CALN1: variants seen among roughly 807,000 people sequenced by gnomAD.
CALN1 encodes the protein calneuron 1, also known as calcium-binding protein 8.
A neutral mutation model predicts 30.6 loss-of-function variants in CALN1; 17 were observed. The observed-to-expected ratio is 0.56, with a 90% CI of 0.38 to 0.83. The LOEUF (loss-of-function observed/expected upper bound fraction) is 0.83, where lower values mean the gene tolerates loss of function less well. Ranked by LOEUF, CALN1 falls within the 40% of genes least tolerant of loss-of-function variation. The probability of loss-of-function intolerance (pLI) is 0.00; values close to 1 mark genes in which losing one functional copy is unlikely to be tolerated. For missense variants in CALN1, 291 were observed against 354.9 expected, an observed-to-expected ratio of 0.82 and a Z score of 1.45; for synonymous variants, 156 against 131.4, an observed-to-expected ratio of 1.19 and a Z score of -1.28.
At chr7:71,838,069 G>A (rs971618287) in intron 5 of CALN1, among the ~76,000 whole-genome samples, 2 of 152,142 alleles carry the variant, frequency 1.3e-5, no homozygotes, top group Non-Finnish European at 2.9e-5. Context: ...TAATGGACAT[G>A]GCTTTAGAGG....
At chr7:72,128,356 C>T (rs931115453) in intron 3 of CALN1, among the ~76,000 whole-genome samples, 1 of 152,014 alleles carries the variant, frequency 6.6e-6, no homozygotes, top group Non-Finnish European at 1.5e-5. Flanking sequence ...CAAAAAATAA[C>T]GTGGGGACAA....
At chr7:71,902,803 T>C (rs1255280596) in intron 5 of CALN1, among the ~76,000 whole-genome samples, 1 of 152,160 alleles carries the variant, frequency 6.6e-6, no homozygotes, top group Non-Finnish European at 1.5e-5. Flanking sequence ...TACTCAGCCA[T>C]ATAAAAGAAT....
At chr7:72,378,695 T>A (rs957442306) in intron 2 of CALN1, among the ~76,000 whole-genome samples, 10 of 152,164 alleles carry the variant, frequency 6.6e-5, no homozygotes, top group Admixed American at 6.5e-5. Context: ...AAGTTTTTTT[T>A]TTTTTGAGAC....
chr7:72,163,468 C>T (rs1436455459), intron 3 of CALN1, among the ~76,000 whole-genome samples: 1 of 148,108 alleles, frequency 6.8e-6, no homozygotes, highest in African/African-American at 2.5e-5. Context: ...CCCAAGATGA[C>T]TCGATATTGA....
chr7:72,316,078 G>C (rs1800422320), intron 2 of CALN1, among the ~76,000 whole-genome samples: 1 of 151,940 alleles, frequency 6.6e-6, no homozygotes, highest in Non-Finnish European at 1.5e-5. Flanking sequence ...TTGAACCCAG[G>C]AGGTGGAGTT....
chr7:72,092,100 A>G (rs1805902238), intron 4 of CALN1, among the ~76,000 whole-genome samples: 1 of 152,136 alleles, frequency 6.6e-6, no homozygotes, highest in Admixed American at 6.6e-5. Context: ...AGTTTATTTT[A>G]GTGGTAATGC....
intron 5 of CALN1, among the ~76,000 whole-genome samples, chr7:71,976,029 G>A (rs1798085657): frequency 6.6e-6 from 1 of 151,932 alleles, no homozygotes; most frequent in South Asian, 2.1e-4. Flanking sequence ...AATTATGCCA[G>A]ACTCCGGTCT....
intron 5 of CALN1, among the ~76,000 whole-genome samples, chr7:71,823,383 G>A (rs1387654429): frequency 6.6e-6 from 1 of 152,026 alleles, no homozygotes; most frequent in Non-Finnish European, 1.5e-5. Context: ...CTGTTCTCAC[G>A]CTGCAAATAA....
At chr7:72,451,114 AAGG>A (rs1808645909), upstream of CALN1, among the ~76,000 whole-genome samples, 1 of 150,908 alleles carries the variant, frequency 6.6e-6, no homozygotes, top group African/African-American at 2.4e-5. Context: ...AAGAAAGGAG[AAGG>A]AGAAGAAGAG....
At chr7:72,464,799 G>C in the CALN1 span, among the ~76,000 whole-genome samples, 1 of 152,186 alleles carries the variant, frequency 6.6e-6, no homozygotes, top group East Asian at 1.9e-4. Context: ...TTCCTTTTTA[G>C]TCCTGGGGAC....
intron 2 of CALN1, among the ~76,000 whole-genome samples, chr7:72,306,820 C>G (rs907273558): frequency 6.6e-6 from 1 of 152,114 alleles, no homozygotes; most frequent in Non-Finnish European, 1.5e-5. Context: ...CCGTGGGCAC[C>G]TGGTTCTCAG....
At chr7:72,262,624 A>G (rs1270990160) in intron 3 of CALN1, among the ~76,000 whole-genome samples, 3 of 152,146 alleles carry the variant, frequency 2.0e-5, no homozygotes, top group Admixed American at 6.6e-5. Context: ...CTGTTTCTGC[A>G]TTAATTCACT....
intron 2 of CALN1, among the ~76,000 whole-genome samples, chr7:72,348,513 A>C (rs182594366): frequency 6.6e-6 from 1 of 152,354 alleles, no homozygotes; most frequent in African/African-American, 2.4e-5. Flanking sequence ...TTAAGTTCCT[A>C]GTTGACAACT....
intron 6 of CALN1, among the ~76,000 whole-genome samples, chr7:71,799,550 C>T (rs1364280520): frequency 3.3e-5 from 5 of 152,096 alleles, no homozygotes; most frequent in Non-Finnish European, 7.3e-5. Flanking sequence ...ACTGCAACCT[C>T]CACCTCCTGG....
chr7:71,967,093 C>CTA (rs1188796564), intron 5 of CALN1, among the ~76,000 whole-genome samples: 1 of 152,072 alleles, frequency 6.6e-6, no homozygotes. Context: ...AGTGGATAAA[C>CTA]AGTTCAAAAT....
chr7:72,253,117 C>T (rs898205917), intron 3 of CALN1, among the ~76,000 whole-genome samples: 3 of 152,170 alleles, frequency 2.0e-5, no homozygotes, highest in Non-Finnish European at 4.4e-5. Flanking sequence ...TGGACTTAGT[C>T]TCTTGGCTGG....
At chr7:72,195,282 T>G (rs908397911) in intron 3 of CALN1, among the ~76,000 whole-genome samples, 2 of 152,232 alleles carry the variant, frequency 1.3e-5, no homozygotes, top group Non-Finnish European at 2.9e-5. Flanking sequence ...CTCCTACCAG[T>G]GGACAGGTAT....
At chr7:72,121,314 AAT>A (rs1808372539) in intron 3 of CALN1, among the ~76,000 whole-genome samples, 1 of 144,270 alleles carries the variant, frequency 6.9e-6, no homozygotes, top group Non-Finnish European at 1.5e-5. Flanking sequence ...AAATTAAGTG[AAT>A]ATATAAATTA....
intron 2 of CALN1, chr7:72,336,759 G>A (rs1379416541): frequency 7.1e-6 from 7 of 985,254 alleles, no homozygotes; most frequent in South Asian, 4.7e-5. Context: ...CGCACAGCGC[G>A]GGGGGCTTCC....
Sources: gnomAD v4.1 joint callset for allele counts (sites outside exome capture counted in the v4.1 genomes callset) on GRCh38, gnomAD v4.1.1 for gene constraint, MANE v1.5 for transcripts, NCBI Gene and HGNC (gene_info 2026-07-23, HGNC 2026-07-21) for gene names.